The following DSCAM variants were observed in gnomAD, a reference collection of about 807,000 sequenced individuals.
DSCAM encodes the protein cell adhesion molecule DSCAM.
In DSCAM, 47 loss-of-function variants were observed where a neutral mutation model predicts 217.7. That is an observed-to-expected ratio of 0.22 (90% CI 0.17 to 0.28). DSCAM has a LOEUF of 0.28. DSCAM is among the 10% of genes least tolerant of loss of function. The probability of loss-of-function intolerance (pLI) is 1.00; values close to 1 mark genes in which losing one functional copy is unlikely to be tolerated. For missense variants in DSCAM, 2,080 were observed against 2,618.3 expected (o/e 0.79, Z 4.49); for synonymous variants, 1,056 against 1,015.3 (o/e 1.04, Z -0.76).
At chr21:40,511,771 C>T (rs774913432) in intron 3 of DSCAM, among the ~76,000 whole-genome samples, 152 of 151,788 alleles carry the variant, frequency 1.0e-3, no homozygotes, top group Non-Finnish European at 2.0e-3. Context: ...GCGGGTGGAT[C>T]ATGAGGTCAG....
chr21:40,574,793 C>T (rs1181944811), intron 3 of DSCAM, among the ~76,000 whole-genome samples: 1 of 151,588 alleles, frequency 6.6e-6, no homozygotes, highest in African/African-American at 2.4e-5. Flanking sequence ...CTGCAACCTC[C>T]ACTTCCTGGG....
chr21:40,442,807 G>A (rs2075643423), intron 3 of DSCAM, among the ~76,000 whole-genome samples: 1 of 152,062 alleles, frequency 6.6e-6, no homozygotes, highest in South Asian at 2.1e-4. Flanking sequence ...ACCATGCCTG[G>A]CCGAGTTAAT....
At chr21:40,403,525 A>G (rs1432739325) in intron 3 of DSCAM, among the ~76,000 whole-genome samples, 2 of 152,132 alleles carry the variant, frequency 1.3e-5, no homozygotes, top group Non-Finnish European at 2.9e-5. Context: ...CTTGTGGTTT[A>G]ACAAACTATG....
chr21:40,181,455 T>G (rs928252241), intron 14 of DSCAM, among the ~76,000 whole-genome samples: 1 of 152,162 alleles, frequency 6.6e-6, no homozygotes, highest in African/African-American at 2.4e-5. Flanking sequence ...TTGGACAGAC[T>G]GCTTCATTTG....
At chr21:40,499,017 C>T (rs1013338008) in intron 3 of DSCAM, among the ~76,000 whole-genome samples, 1 of 151,274 alleles carries the variant, frequency 6.6e-6, no homozygotes, top group Non-Finnish European at 1.5e-5. Context: ...TGTAAGAGAG[C>T]TGGAGCTATA....
intron 30 of DSCAM, among the ~76,000 whole-genome samples, chr21:40,046,157 T>C (rs1375963360): frequency 6.6e-6 from 1 of 152,214 alleles, no homozygotes; most frequent in Non-Finnish European, 1.5e-5. Context: ...CATGTTGGAA[T>C]GTGAAAGGCT....
chr21:40,497,469 A>AG (rs1336107344), intron 3 of DSCAM, among the ~76,000 whole-genome samples: 3 of 135,100 alleles, frequency 2.2e-5, no homozygotes, highest in Non-Finnish European at 4.8e-5. Flanking sequence ...GGGTGGGGGC[A>AG]GGGGTGGGGA....
In DSCAM at chr21:40,583,397, A is replaced by G. The variant is rs560185228; in HGVS notation, c.508+109413T>C. On this transcript the variant is annotated intron_variant, in intron 3 of 32. Transcript: ENST00000400454. Reference sequence around the variant, plus strand: ...ATATCAACTTTCGGAACTATAACCCACAAACGAACCCACAGACACGAATAT... The same window carrying G: ...ATATCAACTTTCGGAACTATAACCCGCAAACGAACCCACAGACACGAATAT... 2.2e-4 allele frequency among the ~76,000 whole-genome samples: 34 copies of G among 152,270 alleles called. 1 individual carries two copies. The highest frequency in any genetic ancestry group is 7.7e-4 in the African/African-American group (32 of 41,566).
intron 3 of DSCAM, among the ~76,000 whole-genome samples, chr21:40,428,081 G>A (rs987309820): frequency 6.6e-6 from 1 of 152,090 alleles, no homozygotes; most frequent in Non-Finnish European, 1.5e-5. Context: ...CTATGAAGGG[G>A]AATCTGCCTT....
intron 31 of DSCAM, 100 bp downstream of exon 31, chr21:40,043,978 G>T: frequency 8.2e-7 from 1 of 1,224,270 alleles, no homozygotes; most frequent in Non-Finnish European, 1.2e-6. Context: ...ATAAGTAAGA[G>T]GGAGGAAGCC....
intron 19 of DSCAM, among the ~76,000 whole-genome samples, chr21:40,127,992 T>G (rs1276635981): frequency 2.0e-5 from 3 of 151,964 alleles, no homozygotes; most frequent in Non-Finnish European, 4.4e-5. Flanking sequence ...CTGGCAACTC[T>G]TACTCATCTC....
At chr21:40,317,332 C>T (rs1022171712) in intron 8 of DSCAM, among the ~76,000 whole-genome samples, 3 of 152,176 alleles carry the variant, frequency 2.0e-5, no homozygotes, top group South Asian at 2.1e-4. Flanking sequence ...CACAAGTAAG[C>T]GGTTCCTCTA....
chr21:40,594,868 T>G (rs184539133), intron 3 of DSCAM, among the ~76,000 whole-genome samples: 1 of 152,282 alleles, frequency 6.6e-6, no homozygotes, highest in East Asian at 1.9e-4. Flanking sequence ...GAACCCCATA[T>G]GCTAAAGAGA....
chr21:40,805,299 G>C (rs2091776021), intron 1 of DSCAM, among the ~76,000 whole-genome samples: 1 of 152,114 alleles, frequency 6.6e-6, no homozygotes, highest in Non-Finnish European at 1.5e-5. Flanking sequence ...CCCCCTCTCT[G>C]TTTTGTGAGG....
intron 3 of DSCAM, among the ~76,000 whole-genome samples, chr21:40,514,100 C>T (rs1256395093): frequency 1.3e-5 from 2 of 151,904 alleles, no homozygotes; most frequent in African/African-American, 4.8e-5. Flanking sequence ...ACACATTTTT[C>T]GTCAAAAATG....
chr21:40,669,098 T>C (rs2090238979), intron 3 of DSCAM, among the ~76,000 whole-genome samples: 1 of 152,120 alleles, frequency 6.6e-6, no homozygotes, highest in African/African-American at 2.4e-5. Flanking sequence ...CGGTGGTCAC[T>C]AAATATTTCT....
intron 27 of DSCAM, among the ~76,000 whole-genome samples, chr21:40,064,449 T>C (rs993902769): frequency 1.3e-5 from 2 of 152,124 alleles, no homozygotes; most frequent in African/African-American, 2.4e-5. Flanking sequence ...TTCATGGCAA[T>C]GTACTAAGGA....
intron 1 of DSCAM, among the ~76,000 whole-genome samples, chr21:40,723,913 T>C (rs944509077): frequency 6.6e-6 from 1 of 152,258 alleles, no homozygotes. Flanking sequence ...ATTTTTGCCA[T>C]GGGTTTTACA....
rs895315851 is a variant in DSCAM at position 40,026,856 on chromosome 21, G to T, written c.5687-13470C>A. 3.9e-4 allele frequency among the ~76,000 whole-genome samples: 59 copies of T among 151,626 alleles called. 1 individual carries two copies. Among genetic ancestry groups the T allele is most frequent in the African/African-American group, 1.2e-3 (48 of 41,286 alleles). ...ATTTGCCAGTCTGTGTCTTTTAATT[G>T]GAGCATTTAGTCCATTTACATGTAA... On this transcript the variant is annotated intron_variant, in intron 32 of 32. Transcript: ENST00000400454.
Sources: gnomAD v4.1 joint callset for allele counts (sites outside exome capture counted in the v4.1 genomes callset) on GRCh38, gnomAD v4.1.1 for gene constraint, MANE v1.5 for transcripts, NCBI Gene and HGNC (gene_info 2026-07-23, HGNC 2026-07-21) for gene names.